NRG3: variants seen among roughly 807,000 people sequenced by gnomAD.
The protein encoded by NRG3 is neuregulin 3.
In NRG3, 31 loss-of-function variants were observed where a neutral mutation model predicts 66.9. The ratio of observed to expected loss-of-function variants is 0.46; its 90% confidence interval spans 0.35 to 0.63. The LOEUF (loss-of-function observed/expected upper bound fraction) is 0.63. NRG3 is among the 20% of genes least tolerant of loss of function. The pLI, the probability that NRG3 is intolerant of heterozygous loss-of-function variation, is 0.00. For missense variants in NRG3, 910 were observed against 878.9 expected, an observed-to-expected ratio of 1.04 and a Z score of -0.45; for synonymous variants, 393 against 359.4, an observed-to-expected ratio of 1.09 and a Z score of -1.06.
At chr10:82,071,583 T>G (rs2064808968) in intron 1 of NRG3, among the ~76,000 whole-genome samples, 1 of 152,050 alleles carries the variant, frequency 6.6e-6, no homozygotes, top group African/African-American at 2.4e-5. Flanking sequence ...AATGGCAGAA[T>G]AGCAGGAGAA....
At chr10:82,562,603 A>G (rs2045124952) in intron 2 of NRG3, among the ~76,000 whole-genome samples, 1 of 152,198 alleles carries the variant, frequency 6.6e-6, no homozygotes, top group Non-Finnish European at 1.5e-5. Context: ...AAATAGTTCT[A>G]TTGGTCATGG....
At chr10:82,390,790 G>T (rs1359599247) in intron 2 of NRG3, among the ~76,000 whole-genome samples, 1 of 152,148 alleles carries the variant, frequency 6.6e-6, no homozygotes, top group African/African-American at 2.4e-5. Context: ...GTTGTAATTA[G>T]ACAAAACAGA....
At chr10:82,750,860 A>C (rs1351579652) in intron 3 of NRG3, among the ~76,000 whole-genome samples, 1 of 152,112 alleles carries the variant, frequency 6.6e-6, no homozygotes, top group African/African-American at 2.4e-5. Flanking sequence ...AACATTCTCC[A>C]TCATTTATTG....
chr10:82,641,804 G>A (rs2050602833), intron 2 of NRG3, among the ~76,000 whole-genome samples: 1 of 152,068 alleles, frequency 6.6e-6, no homozygotes, highest in Non-Finnish European at 1.5e-5. Flanking sequence ...CTAATAAATA[G>A]AAGGAAAGAA....
intron 1 of NRG3, among the ~76,000 whole-genome samples, chr10:82,347,000 T>A (rs2135454918): frequency 1.3e-5 from 2 of 152,134 alleles, no homozygotes; most frequent in African/African-American, 4.8e-5. Flanking sequence ...ATTTTGTTGA[T>A]CCTTTCAAAA....
intron 3 of NRG3, among the ~76,000 whole-genome samples, chr10:82,841,349 C>T (rs945791955): frequency 2.0e-5 from 3 of 152,182 alleles, no homozygotes; most frequent in Non-Finnish European, 2.9e-5. Context: ...ATTAATACCC[C>T]ACTCCTTGTA....
chr10:82,363,117 A>C (rs552939016), intron 2 of NRG3, among the ~76,000 whole-genome samples: 2 of 152,206 alleles, frequency 1.3e-5, no homozygotes, highest in Non-Finnish European at 2.9e-5. Context: ...TATGGCAAAG[A>C]ATTAAAACCC....
At chr10:82,822,265 C>G (rs2061984251) in intron 3 of NRG3, among the ~76,000 whole-genome samples, 2 of 152,156 alleles carry the variant, frequency 1.3e-5, no homozygotes, top group Admixed American at 1.3e-4. Flanking sequence ...AACTCTGAGT[C>G]CAAACAGACC....
At chr10:82,291,078 AT>A (rs1554875867) in intron 1 of NRG3, among the ~76,000 whole-genome samples, 1 of 152,124 alleles carries the variant, frequency 6.6e-6, no homozygotes, top group Non-Finnish European at 1.5e-5. Flanking sequence ...CAGTTGAACC[AT>A]AATATATATA....
chr10:82,507,315 G>T (rs1349808117), intron 2 of NRG3, among the ~76,000 whole-genome samples: 1 of 152,144 alleles, frequency 6.6e-6, no homozygotes, highest in Non-Finnish European at 1.5e-5. Flanking sequence ...TTGATTTCTA[G>T]CAGTACAATA....
At chr10:82,539,365 A>G (rs1458047681) in intron 2 of NRG3, among the ~76,000 whole-genome samples, 1 of 152,188 alleles carries the variant, frequency 6.6e-6, no homozygotes, top group African/African-American at 2.4e-5. Flanking sequence ...ATCCCATTGT[A>G]ATCAAAGGAT....
At chr10:82,506,906 T>A (rs1258930954) in intron 2 of NRG3, among the ~76,000 whole-genome samples, 1 of 152,092 alleles carries the variant, frequency 6.6e-6, no homozygotes, top group Non-Finnish European at 1.5e-5. Flanking sequence ...CGTCTCAGGG[T>A]TTTCACACAG....
chr10:82,263,557 T>C (rs920961087), intron 1 of NRG3, among the ~76,000 whole-genome samples: 7 of 152,194 alleles, frequency 4.6e-5, no homozygotes, highest in African/African-American at 1.7e-4. Context: ...CAGAGCATTT[T>C]ACTCTGACTA....
intron 1 of NRG3, among the ~76,000 whole-genome samples, chr10:81,891,547 A>G (rs1237167755): frequency 3.9e-5 from 6 of 152,202 alleles, no homozygotes; most frequent in African/African-American, 1.4e-4. Context: ...GGTGATTTCC[A>G]TGGAGACTGT....
intron 2 of NRG3, among the ~76,000 whole-genome samples, chr10:82,359,640 C>A (rs1358264615): frequency 6.6e-6 from 1 of 152,154 alleles, no homozygotes; most frequent in African/African-American, 2.4e-5. Context: ...ACCAAGCTTT[C>A]ATTTCCAGTA....
chr10:82,865,784 G>A (rs200680731), intron 4 of NRG3, among the ~76,000 whole-genome samples: 3 of 152,044 alleles, frequency 2.0e-5, no homozygotes, highest in Non-Finnish European at 4.4e-5. Flanking sequence ...TTAGCATAAC[G>A]TCTGCAACAT....
intron 1 of NRG3, among the ~76,000 whole-genome samples, chr10:82,007,399 G>C (rs1589760453): frequency 6.6e-6 from 1 of 151,634 alleles, no homozygotes. Context: ...TAGTAGAGAC[G>C]GGGTTTCACA....
At chr10:82,965,149 C>T (rs1276936961) in intron 6 of NRG3, among the ~76,000 whole-genome samples, 2 of 152,152 alleles carry the variant, frequency 1.3e-5, no homozygotes, top group African/African-American at 2.4e-5. Flanking sequence ...GCTGAGAGCA[C>T]CATTGAATGA....
At chr10:82,708,133 A>AT (rs376492140) in intron 2 of NRG3, among the ~76,000 whole-genome samples, 1,648 of 152,012 alleles carry the variant, frequency 0.011, 30 homozygotes, top group African/African-American at 0.038. Context: ...ATACTCTGCT[A>AT]TTTTTTTCAA....
Sources: allele counts gnomAD v4.1 joint callset (sites outside exome capture counted in the v4.1 genomes callset), GRCh38; gene constraint gnomAD v4.1.1; transcripts MANE v1.5; gene names NCBI Gene and HGNC (gene_info 2026-07-23, HGNC 2026-07-21).